Variants in TIGAR observed in about 807,000 individuals in gnomAD.
TIGAR encodes fructose-2,6-bisphosphatase TIGAR.
In TIGAR, 7 loss-of-function variants were observed where a neutral mutation model predicts 17.9. The observed-to-expected ratio is 0.39, with a 90% CI of 0.22 to 0.73. TIGAR has a LOEUF of 0.73. TIGAR is among the 30% of genes least tolerant of loss of function. The pLI is 0.42. For synonymous variants in TIGAR, 94 were observed against 108.6 expected (o/e 0.87, Z 0.84); for missense variants, 258 against 327.4 (o/e 0.79, Z 1.64).
chr12:4,327,867 C>A (rs1312611649), intron 1 of TIGAR, among the ~76,000 whole-genome samples: 2 of 152,074 alleles, frequency 1.3e-5, no homozygotes, highest in African/African-American at 4.8e-5. Flanking sequence ...GGGGTTTCAC[C>A]ATATTGGCCA....
In TIGAR at chr12:4,324,476, T is replaced by G. The variant is rs903849468; in HGVS notation, c.32+3173T>G. ...GAGAACTCGCCCAGGTAGTGACTGA[T>G]CATCTCCGGCTTGATCTCCACCTGG... On this transcript the variant is annotated intron_variant, in intron 1 of 5. Transcript: ENST00000179259. 3.1e-6 allele frequency: 5 copies of G among 1,600,670 alleles called. No homozygotes were observed. In the African/African-American group the frequency reaches 6.7e-5, roughly 21 times the overall value.
Position 4,337,115 on chromosome 12 carries a change from G to T in TIGAR, c.147G>T (p.Val49=), listed in dbSNP as rs771591594. 3 of 1,613,612 alleles carry T rather than the reference G, an allele frequency of 1.9e-6. No homozygotes were observed. Among genetic ancestry groups the T allele is most frequent in the Non-Finnish European group, 2.5e-6 (3 of 1,179,568 alleles). The part of the protein sequence containing the change: ...AAAAGIFLNN[V]KFTHAFSSDL... ...CTGCTGGTATATTTCTGAATAATGT[G>T]AAGTTTACTCATGCTTTCTCCAGTG... Residue 49 remains valine, a synonymous_variant, in exon 3 of 6, where the codon GTG becomes GTT. Coordinates refer to ENST00000179259, the MANE Select transcript of TIGAR (RefSeq NM_020375.3).
chr12:4,349,528 C>T (rs1864814774), intron 3 of TIGAR, among the ~76,000 whole-genome samples: 1 of 151,888 alleles, frequency 6.6e-6, no homozygotes, highest in Non-Finnish European at 1.5e-5. Context: ...AGCAATTCTT[C>T]TGCCTCAGCC....
At chr12:4,348,493 A>G (rs1274238302) in intron 3 of TIGAR, among the ~76,000 whole-genome samples, 1 of 152,226 alleles carries the variant, frequency 6.6e-6, no homozygotes, top group African/African-American at 2.4e-5. Context: ...CTGAGAAATA[A>G]CAAGGATTAA....
rs1864482514 is a variant in TIGAR, at chr12:4,321,936, A to G, written c.32+633A>G. Among the ~76,000 whole-genome samples the G allele has an allele frequency of 2.0e-5, 3 of 152,150 alleles. No homozygotes were observed. In the South Asian group the frequency reaches 6.2e-4, roughly 32 times the overall value. On this transcript the variant is annotated intron_variant, in intron 1 of 5. Transcript: ENST00000179259. This position sits in a 1 kb window ranked among gnomAD's most constrained non-coding sequence, Gnocchi z 5.2. ...GCTGCATGCTGATAGGTCTTTATGT[A>G]TTTGCCAAGTGTTAACGGGAGGTGA...
intron 3 of TIGAR, among the ~76,000 whole-genome samples, 180 bp downstream of exon 3, chr12:4,337,340 A>G (rs1864671057): frequency 6.6e-6 from 1 of 152,024 alleles, no homozygotes; most frequent in South Asian, 2.1e-4. Flanking sequence ...TAATTTTTGT[A>G]TTTTTAGTAG....
In TIGAR at chr12:4,321,774, C is replaced by G. The variant is rs1467766059; in HGVS notation, c.32+471C>G. ...CCCCTCGTTTCCCCAGGCAGTCAGC[C>G]CCCCAGGCACATATATGAGACTTCT... On this transcript the variant is annotated intron_variant, in intron 1 of 5. Transcript: ENST00000179259. This position sits in a 1 kb window ranked among gnomAD's most constrained non-coding sequence, Gnocchi z 5.2. Among the ~76,000 whole-genome samples the G allele has an allele frequency of 6.6e-6, 1 of 152,134 alleles. No homozygotes were observed. Among genetic ancestry groups the G allele is most frequent in the African/African-American group, 2.4e-5 (1 of 41,408 alleles).
chr12:4,324,659 G>C (rs1201808932), intron 1 of TIGAR: 2 of 1,240,896 alleles, frequency 1.6e-6, no homozygotes, highest in Admixed American at 2.0e-5. Flanking sequence ...TTCTGTTTCC[G>C]CCGCAGGCCC....
At position 4,349,803 on chromosome 12, in the gene TIGAR, T is replaced by C; in HGVS notation, c.193-16T>C. On this transcript the variant is annotated splice_polypyrimidine_tract_variant and intron_variant, in intron 3 of 5. Transcript: ENST00000179259. ...ATTATTTTTATAAAGAAAGAAACAA[T>C]TGTCTTGATTTTCAGACCATGCATG... is the stretch of plus-strand genomic sequence containing the variant. 1 of 1,557,266 alleles carries C rather than the reference T, an allele frequency of 6.4e-7. No homozygotes were observed. Among genetic ancestry groups the C allele is most frequent in the Non-Finnish European group, 8.7e-7 (1 of 1,147,498 alleles).
Position 4,352,362 on chromosome 12 carries a change from C to G in TIGAR, c.484C>G (p.Leu162Val). The G allele has an allele frequency of 6.2e-7, 1 of 1,614,136 alleles. No homozygotes were observed. Among genetic ancestry groups the G allele is most frequent in the Non-Finnish European group, 8.5e-7 (1 of 1,180,008 alleles). Reference sequence around the variant, plus strand: ...TTCCCAAGGATCTCCAAGCAACTGTCTGGAAACTTCTTTGGCAGAGATATT... The same window carrying G: ...TTCCCAAGGATCTCCAAGCAACTGTGTGGAAACTTCTTTGGCAGAGATATT... ...QFSQGSPSNCLETSLAEIFPL... is the reference protein window; with the variant it reads ...QFSQGSPSNCVETSLAEIFPL... The change falls in exon 6 of 6, where the codon CTG becomes GTG. Residue 162 changes from leucine to valine, a missense_variant. Leu to Val is a conservative substitution (Grantham distance 32). Coordinates refer to ENST00000179259, the MANE Select transcript of TIGAR (RefSeq NM_020375.3).
At chr12:4,347,040 TC>T (rs1864788761) in intron 3 of TIGAR, among the ~76,000 whole-genome samples, 1 of 152,146 alleles carries the variant, frequency 6.6e-6, no homozygotes, top group Non-Finnish European at 1.5e-5. Context: ...ATCCAGAAGT[TC>T]CACTGCTAGG....
At chr12:4,326,316 A>G (rs1864545690) in intron 1 of TIGAR, among the ~76,000 whole-genome samples, 1 of 152,228 alleles carries the variant, frequency 6.6e-6, no homozygotes, top group Non-Finnish European at 1.5e-5. Flanking sequence ...AGGGAAATAG[A>G]TTAATAGTAA....
At position 4,359,531 on chromosome 12, in the gene TIGAR, T is replaced by C. The variant is rs889201102; in HGVS notation, c.*6840T>C. ...ATCTCGGTGCCAGGGTGCTCATTGC[T>C]AATAGTGCCTTTAAAAAAATTACTG... On this transcript the variant is annotated 3_prime_UTR_variant, in exon 6 of 6. Coordinates refer to ENST00000179259, the MANE Select transcript of TIGAR (RefSeq NM_020375.3). 6.6e-6 allele frequency among the ~76,000 whole-genome samples: 1 copy of C among 152,166 alleles called. No individual in the cohort carries two copies. Among genetic ancestry groups the C allele is most frequent in the Non-Finnish European group, 1.5e-5 (1 of 68,024 alleles).
intron 4 of TIGAR, among the ~76,000 whole-genome samples, chr12:4,350,976 C>A (rs1039233680): frequency 6.6e-6 from 1 of 152,042 alleles, no homozygotes; most frequent in African/African-American, 2.4e-5. Context: ...ATAATCTGTG[C>A]AAATCTCTGT....
rs1864668815 is a variant in TIGAR at position 4,337,164 on chromosome 12, C to T, written c.192+4C>T. 2 of 1,594,508 alleles carry T rather than the reference C, an allele frequency of 1.3e-6. No homozygotes were observed. Among genetic ancestry groups the T allele is most frequent in the East Asian group, 4.5e-5 (2 of 44,466 alleles). ...TGATCTCATGAGGACAAAGCAGGTA[C>T]ATTTATTTATTTATTTATTTTGAGA... On this transcript the variant is annotated splice_donor_region_variant and intron_variant, in intron 3 of 5. Coordinates refer to ENST00000179259, the MANE Select transcript of TIGAR (RefSeq NM_020375.3).
At chr12:4,346,954 GT>G (rs1397184592) in intron 3 of TIGAR, among the ~76,000 whole-genome samples, 1 of 152,160 alleles carries the variant, frequency 6.6e-6, no homozygotes, top group African/African-American at 2.4e-5. Flanking sequence ...TGGTGGGAAT[GT>G]GAATTAGTAC....
At chr12:4,340,982 G>C (rs1292983653) in intron 3 of TIGAR, among the ~76,000 whole-genome samples, 1 of 152,154 alleles carries the variant, frequency 6.6e-6, no homozygotes, top group East Asian at 1.9e-4. Flanking sequence ...GTTCTGGCCA[G>C]AGATTTCTTG....
chr12:4,352,803 T>A lies in TIGAR; in HGVS notation c.*112T>A, dbSNP rs79038609. On this transcript the variant is annotated 3_prime_UTR_variant, in exon 6 of 6. Coordinates refer to ENST00000179259, the MANE Select transcript of TIGAR (RefSeq NM_020375.3). Reference sequence around the variant, plus strand: ...GATTTGGAAACAGTTAAAAGCCAATTTTTAGCTCCAGTGGAACCATAGCCA... The same window carrying A: ...GATTTGGAAACAGTTAAAAGCCAATATTTAGCTCCAGTGGAACCATAGCCA... 5.5e-3 allele frequency: 5,469 copies of A among 1,000,584 alleles called. 92 individuals carry two copies. Among genetic ancestry groups the A allele is most frequent in the East Asian group, 0.031 (1,205 of 38,430 alleles). The allele number at this position is 1,000,584 out of a possible 1,614,324, so 62.0% of individuals were successfully genotyped here. A position where few individuals can be genotyped will look rare whatever the true frequency, so the allele number is the denominator to read the frequency against.
At chr12:4,331,114 A>C (rs560986981) in intron 1 of TIGAR, among the ~76,000 whole-genome samples, 166 bp from the exon 2 acceptor site, 8 of 152,374 alleles carry the variant, frequency 5.3e-5, no homozygotes, top group South Asian at 2.1e-4. Context: ...AGACAATTGC[A>C]AATATTAGTT....
Sources: gnomAD v4.1 joint callset for allele counts (sites outside exome capture counted in the v4.1 genomes callset) on GRCh38, gnomAD v4.1.1 for gene constraint, Gnocchi (gnomAD v3.1) non-coding constraint, MANE v1.5 for transcripts, NCBI Gene and HGNC (gene_info 2026-07-23, HGNC 2026-07-21) for gene names.